PCDHGA2: variants seen among roughly 807,000 people sequenced by gnomAD.
PCDHGA2 encodes protocadherin gamma-A2.
Under a neutral mutation model 59.2 loss-of-function variants are expected in PCDHGA2, and 40 were observed. The observed-to-expected ratio is 0.68, with a 90% CI of 0.52 to 0.88. The LOEUF (loss-of-function observed/expected upper bound fraction) is 0.88, where lower values mean the gene tolerates loss of function less well. Among genes scored for constraint, PCDHGA2 ranks in the 40% least tolerant of loss-of-function variants. PCDHGA2 has a pLI of 0.00. For synonymous variants in PCDHGA2, 560 were observed against 526.0 expected, an observed-to-expected ratio of 1.06 and a Z score of -0.89; for missense variants, 1,226 against 1,204.0, an observed-to-expected ratio of 1.02 and a Z score of -0.27.
chr5:141,338,929 G>C lies in PCDHGA2; in HGVS notation c.-43G>C. 1 of 1,521,474 alleles carries C rather than the reference G, an allele frequency of 6.6e-7. No individual in the cohort carries two copies. Among genetic ancestry groups the C allele is most frequent in the Non-Finnish European group, 8.8e-7 (1 of 1,134,840 alleles). 94.2% of individuals were successfully genotyped at this position (1,521,474 alleles called of 1,614,324 possible). ...AGGAATAAAGATTGGAATCCGCACT[G>C]GATGCTGGAAGTTGACTCGGAGAAA... is the stretch of plus-strand genomic sequence containing the variant. On this transcript the variant is annotated 5_prime_UTR_variant, in exon 1 of 4. Coordinates refer to ENST00000394576, the MANE Select transcript of PCDHGA2 (RefSeq NM_018915.4).
intron 1 of PCDHGA2, chr5:141,394,247 C>A (rs1414649061): frequency 1.2e-6 from 2 of 1,613,854 alleles, no homozygotes; most frequent in African/African-American, 1.3e-5. Flanking sequence ...CTGCACACGA[C>A]CCCGACAGCC....
intron 2 of PCDHGA2, among the ~76,000 whole-genome samples, chr5:141,502,404 C>G (rs1270930372): frequency 6.6e-6 from 1 of 151,880 alleles, no homozygotes; most frequent in African/African-American, 2.4e-5. Context: ...TGTCCCCGAA[C>G]CTGGATTTGC....
chr5:141,418,663 C>T, intron 1 of PCDHGA2: 1 of 1,613,960 alleles, frequency 6.2e-7, no homozygotes, highest in South Asian at 1.1e-5. Flanking sequence ...AGGCCACTGA[C>T]CAGGACGAGG....
intron 1 of PCDHGA2, chr5:141,389,604 G>C: frequency 6.2e-7 from 1 of 1,613,156 alleles, no homozygotes; most frequent in Non-Finnish European, 8.5e-7. Flanking sequence ...TGCGCTCTTC[G>C]ATATGGTGCC....
intron 1 of PCDHGA2, chr5:141,356,500 A>G: frequency 6.2e-7 from 1 of 1,614,012 alleles, no homozygotes; most frequent in Admixed American, 1.7e-5. Flanking sequence ...TCCACTGTCT[A>G]CAGAAACTCA....
chr5:141,491,227 C>T lies in PCDHGA2; in HGVS notation c.2425-3580C>T. 6.2e-7 allele frequency: 1 copy of T among 1,614,216 alleles called. No homozygotes were observed. The highest frequency in any genetic ancestry group is 8.5e-7 in the Non-Finnish European group (1 of 1,180,018). On this transcript the variant is annotated intron_variant, in intron 1 of 3. Coordinates refer to ENST00000394576, the MANE Select transcript of PCDHGA2 (RefSeq NM_018915.4). The surrounding 1 kb of genome is among the most constrained non-coding windows in gnomAD (Gnocchi z 6.9). Reference sequence around the variant, plus strand: ...TTCACTCTCCTCCACAGCCACAGTGCTGCTGGTTCTGGAGGATGAGGACCC... The same window carrying T: ...TTCACTCTCCTCCACAGCCACAGTGTTGCTGGTTCTGGAGGATGAGGACCC...
At chr5:141,360,171 G>A (rs749092806) in intron 1 of PCDHGA2, 13 of 1,608,392 alleles carry the variant, frequency 8.1e-6, no homozygotes, top group African/African-American at 1.3e-5. Flanking sequence ...GGCTGGTGCG[G>A]TGGCTGCAGG....
chr5:141,400,923 T>C (rs1453975530), intron 1 of PCDHGA2, among the ~76,000 whole-genome samples: 1 of 152,260 alleles, frequency 6.6e-6, no homozygotes, highest in Admixed American at 6.5e-5. Flanking sequence ...AAGAAACTGC[T>C]AGTAGATGTC....
At chr5:141,418,124 C>G (rs762154093) in intron 1 of PCDHGA2, 1 of 1,613,836 alleles carries the variant, frequency 6.2e-7, no homozygotes, top group African/African-American at 1.3e-5. Context: ...TGTGAAGGAC[C>G]GAATAGACCG....
intron 1 of PCDHGA2, chr5:141,375,350 A>C (rs1442876922): frequency 1.2e-6 from 2 of 1,613,744 alleles, no homozygotes; most frequent in African/African-American, 1.3e-5. Context: ...CATCACTGTG[A>C]CAGCCACGGA....
chr5:141,343,332 T>C, intron 1 of PCDHGA2: 1 of 981,772 alleles, frequency 1.0e-6, no homozygotes, highest in South Asian at 4.7e-5. Context: ...TTTTCTTTTT[T>C]TCCTTGTCTC....
At chr5:141,414,098 C>A in intron 1 of PCDHGA2, 1 of 1,594,212 alleles carries the variant, frequency 6.3e-7, no homozygotes, top group Non-Finnish European at 8.5e-7. Flanking sequence ...ATAAAAATAT[C>A]AGAAAATCTA....
At chr5:141,362,229 G>A (rs900469098) in intron 1 of PCDHGA2, 22 of 1,613,912 alleles carry the variant, frequency 1.4e-5, no homozygotes, top group Non-Finnish European at 1.9e-5. Flanking sequence ...CCTTGGCCTT[G>A]ATCTCAGTGC....
intron 1 of PCDHGA2, chr5:141,399,834 G>C (rs375768001): frequency 2.4e-5 from 39 of 1,613,004 alleles, no homozygotes; most frequent in Non-Finnish European, 2.9e-5. Flanking sequence ...ACGGCTCTGC[G>C]CTCTTCGATA....
At chr5:141,362,600 C>T (rs1561527590) in intron 1 of PCDHGA2, 3 of 1,577,722 alleles carry the variant, frequency 1.9e-6, no homozygotes, top group Non-Finnish European at 1.7e-6. Flanking sequence ...TTTATTGTTT[C>T]ACCTAATTTG....
At chr5:141,352,200 A>G in intron 1 of PCDHGA2, 1 of 1,613,934 alleles carries the variant, frequency 6.2e-7, no homozygotes, top group Non-Finnish European at 8.5e-7. Context: ...GATGGAGGAC[A>G]GCCGCCACTC....
chr5:141,393,481 C>T, intron 1 of PCDHGA2: 1 of 1,614,066 alleles, frequency 6.2e-7, no homozygotes. Context: ...CCGCCTCGCT[C>T]TAGCACAGTG....
At chr5:141,458,090 G>C (rs1306631184) in intron 1 of PCDHGA2, among the ~76,000 whole-genome samples, 2 of 152,234 alleles carry the variant, frequency 1.3e-5, no homozygotes, top group Non-Finnish European at 1.5e-5. Context: ...CGTAAGTTAA[G>C]AGTACTTACA....
At position 141,374,916 on chromosome 5, in the gene PCDHGA2, CTT is replaced by C. The variant is rs779055803; in HGVS notation, c.2424+33522_2424+33523del. ...GATGAAGGAGTCCACGGGGAAGTAA[CTT>C]ATTCCTTTGTGAAGATTACAGAAAA... On this transcript the variant is annotated intron_variant, in intron 1 of 3. Transcript: ENST00000394576. The C allele has an allele frequency of 1.2e-5, 20 of 1,613,924 alleles. No individual in the cohort carries two copies. The African/African-American group carries it at 2.4e-4, about 19-fold the overall frequency.
Sources: gnomAD v4.1 joint callset for allele counts (sites outside exome capture counted in the v4.1 genomes callset) on GRCh38, gnomAD v4.1.1 for gene constraint, Gnocchi (gnomAD v3.1) non-coding constraint, MANE v1.5 for transcripts, NCBI Gene and HGNC (gene_info 2026-07-23, HGNC 2026-07-21) for gene names.